NRG1: variants seen among roughly 807,000 people sequenced by gnomAD.
NRG1 encodes the protein neuregulin 1.
A neutral mutation model predicts 63.8 loss-of-function variants in NRG1; 18 were observed. That is an observed-to-expected ratio of 0.28 (90% confidence interval 0.19 to 0.42). NRG1 has a LOEUF of 0.42. Among genes scored for constraint, NRG1 ranks in the 10% least tolerant of loss-of-function variants. NRG1 has a pLI of 1.00. For synonymous variants in NRG1, 302 were observed against 301.3 expected (o/e 1.00, Z -0.02); for missense variants, 762 against 814.7 (o/e 0.94, Z 0.79).
chr8:32,294,039 G>C (rs963672063), intron 1 of NRG1, among the ~76,000 whole-genome samples: 1 of 151,768 alleles, frequency 6.6e-6, no homozygotes, highest in Non-Finnish European at 1.5e-5. Context: ...ATTTCTTGAC[G>C]GCCATCCATG....
chr8:32,146,248 T>C (rs1836859413), intron 1 of NRG1, among the ~76,000 whole-genome samples: 1 of 152,204 alleles, frequency 6.6e-6, no homozygotes, highest in Non-Finnish European at 1.5e-5. Context: ...AAAACTGATG[T>C]CTTCCTAAGA....
Position 32,430,552 on chromosome 8 carries a change from T to G in NRG1, c.38-165276T>G, listed in dbSNP as rs75106247. ...ATTCCATTCAGACTTAGGCCTGAGC[T>G]GCTCCCAGTCATCCAAGTCATTTTT... On this transcript the variant is annotated intron_variant, in intron 1 of 10. Coordinates refer to the NRG1 transcript ENST00000519301. 3.3e-3 allele frequency among the ~76,000 whole-genome samples: 505 copies of G among 152,274 alleles called. 4 individuals carry two copies. Among genetic ancestry groups the G allele is most frequent in the African/African-American group, 0.012 (495 of 41,556 alleles).
At chr8:31,648,124 C>CTTT (rs36074483) in intron 1 of NRG1, among the ~76,000 whole-genome samples, 940 of 51,260 alleles carry the variant, frequency 0.018, 216 homozygotes, top group Non-Finnish European at 0.025. Context: ...TTTGACTACT[C>CTTT]TTTTTTTTTT....
At chr8:32,538,752 C>A (rs71512639) in intron 1 of NRG1, among the ~76,000 whole-genome samples, 1 of 152,126 alleles carries the variant, frequency 6.6e-6, no homozygotes, top group Non-Finnish European at 1.5e-5. Flanking sequence ...TATCTGCATA[C>A]GTTTATAGTC....
chr8:32,065,775 T>C (rs190738500), intron 1 of NRG1, among the ~76,000 whole-genome samples: 12,145 of 152,208 alleles, frequency 0.08, 1,505 homozygotes, highest in African/African-American at 0.26. Context: ...ACTTCCACAA[T>C]GGTTGAACTA....
At position 31,868,700 on chromosome 8, in the gene NRG1, C is replaced by T. The variant is rs117682008; in HGVS notation, c.37+229269C>T. 5.1e-3 allele frequency among the ~76,000 whole-genome samples: 773 copies of T among 152,276 alleles called. 2 individuals carry two copies. Among genetic ancestry groups the T allele is most frequent in the Middle Eastern group, 0.024 (7 of 294 alleles). On this transcript the variant is annotated intron_variant, in intron 1 of 10. Coordinates refer to the NRG1 transcript ENST00000519301. ...CCAGCTAGTCTTAGTAATCTTTCAC[C>T]GTGCACTGTCTGTTGCCTCACTGAA...
chr8:32,340,769 C>A (rs901151217), intron 1 of NRG1, among the ~76,000 whole-genome samples: 1 of 152,174 alleles, frequency 6.6e-6, no homozygotes, highest in Non-Finnish European at 1.5e-5. Flanking sequence ...CCCTTAAGCC[C>A]GATATCCTGT....
At chr8:32,483,776 A>T (rs139861399) in intron 1 of NRG1, among the ~76,000 whole-genome samples, 5 of 152,202 alleles carry the variant, frequency 3.3e-5, no homozygotes, top group African/African-American at 1.2e-4. Context: ...CACAGTTTCC[A>T]TCACTGCCTC....
chr8:32,190,173 G>GTATTATTATTATTAT (rs376743930), intron 1 of NRG1, among the ~76,000 whole-genome samples: 3 of 150,054 alleles, frequency 2.0e-5, no homozygotes, highest in South Asian at 2.1e-4. Context: ...TTATCAAAAT[G>GTATTATTATTATTAT]TATTATTATT....
At chr8:32,558,368 G>A (rs1002370910) in intron 1 of NRG1, among the ~76,000 whole-genome samples, 4 of 152,230 alleles carry the variant, frequency 2.6e-5, no homozygotes, top group Non-Finnish European at 5.9e-5. Context: ...TGGTTATGCT[G>A]TGTCAGGTGA....
chr8:32,308,050 C>G (rs1425970919), intron 1 of NRG1, among the ~76,000 whole-genome samples: 1 of 152,162 alleles, frequency 6.6e-6, no homozygotes, highest in African/African-American at 2.4e-5. Flanking sequence ...AACCATGCTC[C>G]ATTTTCAACC....
intron 1 of NRG1, among the ~76,000 whole-genome samples, chr8:32,238,500 G>A (rs1208030698): frequency 6.6e-6 from 1 of 151,560 alleles, no homozygotes; most frequent in Non-Finnish European, 1.5e-5. Context: ...TATCAGCATA[G>A]TGTCACCATA....
intron 1 of NRG1, among the ~76,000 whole-genome samples, chr8:32,167,887 G>A (rs1473052131): frequency 2.0e-5 from 3 of 152,166 alleles, no homozygotes; most frequent in African/African-American, 7.2e-5. Context: ...TTTTGAAACA[G>A]CTAAAATCAG....
chr8:31,985,111 T>C (rs1172850517), intron 1 of NRG1, among the ~76,000 whole-genome samples: 1 of 152,094 alleles, frequency 6.6e-6, no homozygotes, highest in Non-Finnish European at 1.5e-5. Flanking sequence ...AGAGAGTGTT[T>C]ATAAAAGCAA....
chr8:32,153,214 A>G (rs1837695178), intron 1 of NRG1, among the ~76,000 whole-genome samples: 1 of 152,166 alleles, frequency 6.6e-6, no homozygotes, highest in Non-Finnish European at 1.5e-5. Context: ...GATACAGTAC[A>G]GGGGCGAGCT....
intron 1 of NRG1, among the ~76,000 whole-genome samples, chr8:31,965,326 G>T (rs1806145352): frequency 2.6e-5 from 4 of 151,828 alleles, no homozygotes; most frequent in Admixed American, 2.6e-4. Flanking sequence ...AGGTTCAAGC[G>T]ATTCTCCTGC....
intron 1 of NRG1, among the ~76,000 whole-genome samples, chr8:31,875,446 C>A (rs1025625520): frequency 6.6e-6 from 1 of 152,164 alleles, no homozygotes; most frequent in Non-Finnish European, 1.5e-5. Flanking sequence ...CACTGTAAGA[C>A]CCAGACTGTC....
chr8:32,619,204 ACT>A (rs1395659995), intron 5 of NRG1, among the ~76,000 whole-genome samples: 1 of 151,974 alleles, frequency 6.6e-6, no homozygotes, highest in Non-Finnish European at 1.5e-5. Context: ...ACAGAGGGAG[ACT>A]CTGTTTCAAG....
At chr8:31,940,087 T>A (rs1801529195) in intron 1 of NRG1, among the ~76,000 whole-genome samples, 1 of 152,160 alleles carries the variant, frequency 6.6e-6, no homozygotes, top group Non-Finnish European at 1.5e-5. Flanking sequence ...ACCCAACAAC[T>A]GCAGAGTATA....
Sources: gnomAD v4.1 joint callset for allele counts (sites outside exome capture counted in the v4.1 genomes callset) on GRCh38, gnomAD v4.1.1 for gene constraint, MANE v1.5 for transcripts, NCBI Gene and HGNC (gene_info 2026-07-23, HGNC 2026-07-21) for gene names.